TAMM41: variants seen among roughly 807,000 people sequenced by gnomAD.
TAMM41 encodes the protein TAM41 mitochondrial translocator assembly and maintenance homolog.
Under a neutral mutation model 44.1 loss-of-function variants are expected in TAMM41, and 36 were observed. That is an observed-to-expected ratio of 0.82 (90% CI 0.63 to 1.08). The LOEUF (loss-of-function observed/expected upper bound fraction) is 1.08, where lower values mean the gene tolerates loss of function less well. Ranked by LOEUF, TAMM41 falls within the 50% of genes least tolerant of loss-of-function variation. The pLI is 0.00. For synonymous variants in TAMM41, 164 were observed against 153.1 expected (o/e 1.07, Z -0.53); for missense variants, 417 against 404.3 (o/e 1.03, Z -0.27).
the TAMM41 span, among the ~76,000 whole-genome samples, chr3:11,779,703 T>G: frequency 1.9e-4 from 29 of 152,322 alleles, no homozygotes; most frequent in Non-Finnish European, 1.5e-5. Context: ...ATGGTGTCTT[T>G]AGTCACTATC....
rs2078898699 is a variant in TAMM41, at chr3:11,829,620, G to A, written c.562+94C>T. ...AGTGACGTGATTTACAACTAAGACT[G>A]TAGCAGCTCCAGGGCCGAGTGAGAA... On this transcript the variant is annotated intron_variant, in intron 4 of 7. Transcript: ENST00000455809. 2.1e-6 allele frequency: 3 copies of A among 1,420,474 alleles called. No homozygotes were observed. In the East Asian group the frequency reaches 6.9e-5, roughly 33 times the overall value. 88.0% of individuals were successfully genotyped at this position (1,420,474 alleles called of 1,614,324 possible).
the TAMM41 span, among the ~76,000 whole-genome samples, chr3:11,764,085 G>T: frequency 2.0e-5 from 3 of 151,928 alleles, no homozygotes; most frequent in Admixed American, 6.6e-5. Flanking sequence ...CTCACTGAAG[G>T]CTCTACCTCC....
chr3:11,773,568 A>G, the TAMM41 span, among the ~76,000 whole-genome samples: 1 of 152,154 alleles, frequency 6.6e-6, no homozygotes, highest in African/African-American at 2.4e-5. Flanking sequence ...CTAGCAGAAC[A>G]TCCAGACCTG....
At position 11,817,374 on chromosome 3, in the gene TAMM41, A is replaced by G. The variant is rs766548217; in HGVS notation, c.563-37T>C. On this transcript the variant is annotated intron_variant, in intron 4 of 7. Transcript: ENST00000455809. ...AAAGAGATAAACACATCTTCCATTAAGAATCCACACTCTCGACCTATGAAC... is the reference window on the plus strand; with the variant it reads ...AAAGAGATAAACACATCTTCCATTAGGAATCCACACTCTCGACCTATGAAC... 30 of 1,587,624 alleles carry G rather than the reference A, an allele frequency of 1.9e-5. No homozygotes were observed. In the Middle Eastern group the frequency reaches 8.8e-4, roughly 47 times the overall value.
the TAMM41 span, among the ~76,000 whole-genome samples, chr3:11,747,067 C>A: frequency 1.3e-5 from 2 of 152,118 alleles, no homozygotes; most frequent in East Asian, 1.9e-4. Flanking sequence ...TGTGGTAGAA[C>A]TTTATTTATT....
the TAMM41 span, among the ~76,000 whole-genome samples, chr3:11,732,626 C>G: frequency 6.6e-6 from 1 of 152,124 alleles, no homozygotes; most frequent in African/African-American, 2.4e-5. Flanking sequence ...TACAGGGTGA[C>G]GGGTTGTGAC....
intron 4 of TAMM41, among the ~76,000 whole-genome samples, chr3:11,820,958 G>A (rs918418623): frequency 3.3e-5 from 5 of 152,212 alleles, no homozygotes; most frequent in African/African-American, 1.2e-4. Context: ...GTGAAGGGCT[G>A]CACAGTACAG....
chr3:11,824,807 C>A (rs73134823), intron 4 of TAMM41, among the ~76,000 whole-genome samples: 2 of 152,160 alleles, frequency 1.3e-5, no homozygotes, highest in Non-Finnish European at 2.9e-5. Context: ...GGAACAAAGA[C>A]CAAAGATCAG....
chr3:11,764,483 A>ATTTTTTTTTTTTTTTTTTTTTT, the TAMM41 span, among the ~76,000 whole-genome samples: 1 of 86,330 alleles, frequency 1.2e-5, no homozygotes, highest in African/African-American at 5.2e-5. Flanking sequence ...CCATAATCTT[A>ATTTTTTTTTTTTTTTTTTTTTT]TTCTTTTTTT....
At position 11,790,461 on chromosome 3, in the gene TAMM41, A is replaced by C. The variant is rs748187324; in HGVS notation, c.*44T>G. ...ACACTGTTCTGTCAAAAAGGATCAA[A>C]CACTTTATTCATCTACACATAACAT... On this transcript the variant is annotated 3_prime_UTR_variant, in exon 8 of 8. Transcript: ENST00000455809. 8.7e-5 allele frequency: 132 copies of C among 1,517,322 alleles called. No homozygotes were observed. The highest frequency in any genetic ancestry group is 1.1e-4 in the Non-Finnish European group (125 of 1,094,606). 94.0% of individuals were successfully genotyped at this position (1,517,322 alleles called of 1,614,324 possible). A position where few individuals can be genotyped will look rare whatever the true frequency, so the allele number is the denominator to read the frequency against.
In TAMM41 at chr3:11,813,599, C is replaced by G. The variant is rs561578664; in HGVS notation, c.708+3593G>C. Among the ~76,000 whole-genome samples, 5 of 152,184 alleles carry G rather than the reference C, an allele frequency of 3.3e-5. No individual in the cohort carries two copies. The East Asian group carries it at 9.7e-4, about 30-fold the overall frequency. The stretch of plus-strand genomic sequence containing the variant: ...TCCTATAGTCAAGCCCACCAGTTGA[C>G]AAGCCTGATATATCACAAAGAACTT... On this transcript the variant is annotated intron_variant, in intron 5 of 7. Transcript: ENST00000455809.
Position 11,823,315 on chromosome 3 carries a change from G to C in TAMM41, c.563-5978C>G, listed in dbSNP as rs528495466. 7.3e-4 allele frequency among the ~76,000 whole-genome samples: 109 copies of C among 150,318 alleles called. 1 individual carries two copies. Among genetic ancestry groups the C allele is most frequent in the African/African-American group, 2.6e-3 (108 of 40,916 alleles). ...CTGTTGCCCAGGCTGGAGTGCAGTG[G>C]CATGATCTTGGCTCACTGCAACCTC... On this transcript the variant is annotated intron_variant, in intron 4 of 7. Transcript: ENST00000455809.
At chr3:11,743,107 C>T in the TAMM41 span, among the ~76,000 whole-genome samples, 68 of 152,192 alleles carry the variant, frequency 4.5e-4, no homozygotes, top group African/African-American at 1.6e-3. Context: ...CATCTGAAGA[C>T]AAGGATGAGA....
rs144948425 is a variant in TAMM41 at position 11,818,965 on chromosome 3, G to C, written c.563-1628C>G. Among the ~76,000 whole-genome samples the C allele has an allele frequency of 1.1e-3, 170 of 151,854 alleles. 1 individual carries two copies. Among genetic ancestry groups the C allele is most frequent in the African/African-American group, 4.0e-3 (165 of 41,382 alleles). On this transcript the variant is annotated intron_variant, in intron 4 of 7. Transcript: ENST00000455809. ...ATCTTGGTGTACAGGGGGTCTGACT[G>C]TTCAGGTGAGTGAGCAGAAGCGAGT...
At chr3:11,750,016 C>T in the TAMM41 span, among the ~76,000 whole-genome samples, 5 of 151,936 alleles carry the variant, frequency 3.3e-5, no homozygotes, top group African/African-American at 1.2e-4. Context: ...CCTGCCTCAG[C>T]CTCCCGAGTA....
intron 3 of TAMM41, chr3:11,833,109 A>G (rs1021469777): frequency 4.7e-6 from 6 of 1,284,158 alleles, no homozygotes; most frequent in Non-Finnish European, 6.1e-6. Flanking sequence ...TTTGTTGTTC[A>G]GAGTGAAAAG....
At chr3:11,781,779 AATC>A in the TAMM41 span, among the ~76,000 whole-genome samples, 1,125 of 40,502 alleles carry the variant, frequency 0.028, 19 homozygotes, top group African/African-American at 0.095. Context: ...TAATAATAAT[AATC>A]ATACAAATAA....
the TAMM41 span, among the ~76,000 whole-genome samples, chr3:11,723,588 A>C: frequency 6.6e-6 from 1 of 151,704 alleles, no homozygotes; most frequent in African/African-American, 2.4e-5. Flanking sequence ...CTCAAAAAAA[A>C]AAAAAAACAA....
chr3:11,788,596 G>C (rs147953461), downstream of TAMM41, among the ~76,000 whole-genome samples: 78 of 152,192 alleles, frequency 5.1e-4, 1 homozygote, highest in East Asian at 0.014. Context: ...GTCTATTTTG[G>C]GTTCTGAAGG....
Sources: allele counts gnomAD v4.1 joint callset (sites outside exome capture counted in the v4.1 genomes callset), GRCh38; gene constraint gnomAD v4.1.1; transcripts MANE v1.5; gene names NCBI Gene and HGNC (gene_info 2026-07-23, HGNC 2026-07-21).